DSCAM: variants seen among roughly 807,000 people sequenced by gnomAD.
The protein encoded by DSCAM is cell adhesion molecule DSCAM.
DSCAM carries 47 observed loss-of-function variants against 217.7 expected under a neutral mutation model. The observed-to-expected ratio is 0.22, with a 90% CI of 0.17 to 0.28. The LOEUF (loss-of-function observed/expected upper bound fraction) is 0.28, where lower values mean the gene tolerates loss of function less well. DSCAM is among the 10% of genes least tolerant of loss of function. The pLI, the probability that DSCAM is intolerant of heterozygous loss-of-function variation, is 1.00. For missense variants in DSCAM, 2,080 were observed against 2,618.3 expected, an observed-to-expected ratio of 0.79 and a Z score of 4.49; for synonymous variants, 1,056 against 1,015.3, an observed-to-expected ratio of 1.04 and a Z score of -0.76.
chr21:40,676,416 G>A (rs1363929092), intron 3 of DSCAM, among the ~76,000 whole-genome samples: 4 of 152,188 alleles, frequency 2.6e-5, no homozygotes, highest in Admixed American at 2.0e-4. Context: ...AAGGTTTACT[G>A]GAGAACCCTG....
At chr21:40,524,529 AT>A (rs1320843913) in intron 3 of DSCAM, among the ~76,000 whole-genome samples, 4 of 145,704 alleles carry the variant, frequency 2.7e-5, no homozygotes, top group African/African-American at 1.1e-4. Flanking sequence ...TTTCTGTGTT[AT>A]CATGTATTAA....
intron 3 of DSCAM, among the ~76,000 whole-genome samples, chr21:40,587,657 G>A (rs1251812238): frequency 1.3e-5 from 2 of 152,102 alleles, no homozygotes; most frequent in East Asian, 3.8e-4. Context: ...ATTTTTTTCA[G>A]TGATGCTGCA....
intron 14 of DSCAM, among the ~76,000 whole-genome samples, chr21:40,179,364 G>A (rs981062040): frequency 2.6e-5 from 4 of 152,122 alleles, no homozygotes; most frequent in African/African-American, 9.7e-5. Flanking sequence ...GTTCAGGGAG[G>A]GGTGATGGAG....
intron 4 of DSCAM, among the ~76,000 whole-genome samples, chr21:40,363,695 A>G (rs1345605396): frequency 2.0e-5 from 3 of 152,222 alleles, no homozygotes; most frequent in Admixed American, 2.0e-4. Flanking sequence ...TAATTAAACT[A>G]AAGATCTTCT....
intron 1 of DSCAM, among the ~76,000 whole-genome samples, chr21:40,777,028 T>C (rs952506874): frequency 6.6e-6 from 1 of 152,252 alleles, no homozygotes; most frequent in African/African-American, 2.4e-5. Flanking sequence ...TTCACAAAAA[T>C]ACCATAGACT....
chr21:40,777,399 TAA>T (rs2091497948), intron 1 of DSCAM, among the ~76,000 whole-genome samples: 1 of 152,208 alleles, frequency 6.6e-6, no homozygotes, highest in Admixed American at 6.5e-5. Context: ...CCCACTTATA[TAA>T]GTTTCCTTCC....
At chr21:40,133,039 ACTTC>A (rs1272337892) in intron 19 of DSCAM, among the ~76,000 whole-genome samples, 3 of 152,154 alleles carry the variant, frequency 2.0e-5, no homozygotes, top group Non-Finnish European at 4.4e-5. Flanking sequence ...CTCAATGTAT[ACTTC>A]TGTGCTGGAA....
At chr21:40,572,123 T>C (rs969115049) in intron 3 of DSCAM, among the ~76,000 whole-genome samples, 3 of 151,922 alleles carry the variant, frequency 2.0e-5, no homozygotes, top group African/African-American at 4.8e-5. Flanking sequence ...TGTGTTTGTG[T>C]GTACATATAT....
chr21:40,657,958 A>C (rs1173316472), intron 3 of DSCAM, among the ~76,000 whole-genome samples: 2 of 152,206 alleles, frequency 1.3e-5, no homozygotes, highest in Admixed American at 6.5e-5. Context: ...GCCAACCAGC[A>C]ATCTCCAATT....
In DSCAM at chr21:40,075,131, G is replaced by C. The variant is rs7275460; in HGVS notation, c.4794C>G (p.Thr1598=). 0.044 allele frequency: 70,219 copies of C among 1,614,150 alleles called. 1,905 individuals carry two copies. The highest frequency in any genetic ancestry group is 0.11 in the East Asian group (4,985 of 44,872). ...TTNEGLKMLV[T]ISCILVGVLL... ...AGACCCCCACCAGGATACAGGAGAT[G>C]GTCACCAGCATCTTGAGCCCCTCGT... Residue 1598 remains threonine, a synonymous_variant, in exon 27 of 33, where the codon ACC becomes ACG. Transcript: ENST00000400454.
At chr21:40,328,368 A>G (rs1048019119) in intron 8 of DSCAM, among the ~76,000 whole-genome samples, 2 of 152,094 alleles carry the variant, frequency 1.3e-5, no homozygotes, top group Non-Finnish European at 2.9e-5. Flanking sequence ...AGAGCACACA[A>G]TGGGGTCTTT....
intron 1 of DSCAM, among the ~76,000 whole-genome samples, chr21:40,712,235 G>A (rs1021512098): frequency 7.0e-6 from 1 of 142,284 alleles, no homozygotes; most frequent in Non-Finnish European, 1.6e-5. Context: ...ACAGTGTGTA[G>A]TTTGTTTTAT....
rs540677991 is a variant in DSCAM at position 40,262,205 on chromosome 21, G to T, written c.2356+13892C>A. ...TGGACTTTTCAGCCTCGATAACTGT[G>T]AGAAATAAGTTTCTGTTGTTTAAGC... On this transcript the variant is annotated intron_variant, in intron 11 of 32. Transcript: ENST00000400454. Among the ~76,000 whole-genome samples, 381 of 152,276 alleles carry T rather than the reference G, an allele frequency of 2.5e-3. 3 individuals carry two copies. Among genetic ancestry groups the T allele is most frequent in the African/African-American group, 8.8e-3 (364 of 41,548 alleles).
At chr21:40,472,874 T>C (rs2075900747) in intron 3 of DSCAM, among the ~76,000 whole-genome samples, 1 of 152,118 alleles carries the variant, frequency 6.6e-6, no homozygotes, top group Admixed American at 6.6e-5. Context: ...CACATCACTG[T>C]GTGGAGAGAA....
intron 3 of DSCAM, among the ~76,000 whole-genome samples, chr21:40,657,305 T>C (rs2090087117): frequency 6.6e-6 from 1 of 152,326 alleles, no homozygotes; most frequent in East Asian, 1.9e-4. Flanking sequence ...GAGGTTACTT[T>C]TGAGCTGACA....
At chr21:40,192,359 G>T (rs1303663658) in intron 11 of DSCAM, among the ~76,000 whole-genome samples, 1 of 152,170 alleles carries the variant, frequency 6.6e-6, no homozygotes, top group Admixed American at 6.5e-5. Flanking sequence ...AATCATAGGG[G>T]TGGTTACCTC....
chr21:40,093,898 C>A, intron 20 of DSCAM, 24 bp from the exon 21 acceptor site: 1 of 1,599,350 alleles, frequency 6.3e-7, no homozygotes, highest in African/African-American at 1.3e-5. Context: ...CATAAGTGTT[C>A]CCACATTCAA....
intron 3 of DSCAM, among the ~76,000 whole-genome samples, chr21:40,483,424 G>A: frequency 6.6e-6 from 1 of 152,140 alleles, no homozygotes; most frequent in South Asian, 2.1e-4. Context: ...ATTTATTTAA[G>A]TTGGCTTGGT....
chr21:40,039,114 A>G (rs899905672), intron 32 of DSCAM, among the ~76,000 whole-genome samples: 29 of 152,096 alleles, frequency 1.9e-4, no homozygotes, highest in Non-Finnish European at 3.4e-4. Context: ...ACATGTATAC[A>G]TATGTAACTA....
Sources: gnomAD v4.1 joint callset for allele counts (sites outside exome capture counted in the v4.1 genomes callset) on GRCh38, gnomAD v4.1.1 for gene constraint, MANE v1.5 for transcripts, NCBI Gene and HGNC (gene_info 2026-07-23, HGNC 2026-07-21) for gene names.